Variants in CRACR2B observed in about 807,000 individuals in gnomAD.
The protein encoded by CRACR2B is EF-hand calcium-binding domain-containing protein 4A.
In CRACR2B, 50 loss-of-function variants were observed where a neutral mutation model predicts 46.0. The ratio of observed to expected loss-of-function variants is 1.09; its 90% CI spans 0.87 to 1.38. The LOEUF (loss-of-function observed/expected upper bound fraction) is 1.38, where lower values mean the gene tolerates loss of function less well. Among genes scored for constraint, CRACR2B ranks in the 40% most tolerant of loss-of-function variants. The pLI, the probability that CRACR2B is intolerant of heterozygous loss-of-function variation, is 0.00. For missense variants in CRACR2B, 667 were observed against 535.0 expected, an observed-to-expected ratio of 1.25 and a Z score of -2.43; for synonymous variants, 277 against 239.6, an observed-to-expected ratio of 1.16 and a Z score of -1.44.
At chr11:830,443 G>A (rs1846307821) in intron 5 of CRACR2B, 106 bp downstream of exon 5, 1 of 1,536,342 alleles carries the variant, frequency 6.5e-7, no homozygotes, top group Non-Finnish European at 8.7e-7. Flanking sequence ...CCACCTCCGC[G>A]GGTCCAGGCT....
chr11:830,589 G>T, intron 5 of CRACR2B, 32 bp from the exon 6 acceptor site: 1 of 1,547,720 alleles, frequency 6.5e-7, no homozygotes. Flanking sequence ...CGAGCGGCCG[G>T]CGGAGGCTCA....
In CRACR2B at chr11:830,309, G is replaced by C; in HGVS notation, c.665G>C (p.Arg222Pro). Residue 222 changes from arginine (R) to proline (P), a missense_variant, in exon 5 of 9, where the codon CGG becomes CCG. Transcript: ENST00000525077. ...RALYEETEQL[R>P]EQSRRPPSQN... Reference sequence around the variant, plus strand: ...CTGTACGAGGAGACGGAGCAGCTTCGGGAGCAGAGCCGGCGCCCGCCGAGT... The same window carrying C: ...CTGTACGAGGAGACGGAGCAGCTTCCGGAGCAGAGCCGGCGCCCGCCGAGT... 2.6e-6 allele frequency: 4 copies of C among 1,534,422 alleles called. No individual in the cohort carries two copies. The highest frequency in any genetic ancestry group is 2.6e-6 in the Non-Finnish European group (3 of 1,143,508).
intron 2 of CRACR2B, 168 bp downstream of exon 2, chr11:829,131 G>A: frequency 8.0e-7 from 1 of 1,257,280 alleles, no homozygotes; most frequent in Admixed American, 2.0e-5. Flanking sequence ...CTGCGGTGGA[G>A]TGTGTGGAGC....
chr11:830,258 G>A lies in CRACR2B; in HGVS notation c.614G>A (p.Ser205Asn), dbSNP rs369711171. The A allele has an allele frequency of 4.6e-6, 7 of 1,515,706 alleles. No homozygotes were observed. In the African/African-American group the frequency reaches 9.7e-5, roughly 21 times the overall value. The allele number at this position is 1,515,706 out of a possible 1,614,324, so 93.9% of individuals were successfully genotyped here. A position where few individuals can be genotyped will look rare whatever the true frequency, so the allele number is the denominator to read the frequency against. Reference sequence around the variant, plus strand: ...CGCCCGGTCCCCCGAAGGCGCGAGAGCGAGCACGAGAGGGAGGTGCGCGCT... The same window carrying A: ...CGCCCGGTCCCCCGAAGGCGCGAGAACGAGCACGAGAGGGAGGTGCGCGCT... ...GLEQALRRRE[S>N]EHEREVRALY... Residue 205 changes from serine to asparagine, a missense_variant, in exon 5 of 9, where the codon AGC becomes AAC. Ser to Asn is a conservative substitution (Grantham distance 46, BLOSUM62 1). Coordinates refer to ENST00000525077, the MANE Select transcript of CRACR2B (RefSeq NM_001286606.2).
In CRACR2B at chr11:830,901, C is replaced by T; in HGVS notation, c.822C>T (p.His274=). The change falls in exon 7 of 9, where the codon CAC becomes CAT. Residue 274 remains histidine (H), a synonymous_variant. Coordinates refer to ENST00000525077, the MANE Select transcript of CRACR2B (RefSeq NM_001286606.2). ...EQQLHAQAAE[H]LEAQAQNSQL... ...AGCTGCACGCCCAGGCTGCGGAGCA[C>T]CTGGAGGCACAGGCCCAGAACTCCC... The T allele has an allele frequency of 2.0e-6, 3 of 1,531,840 alleles. No homozygotes were observed. The highest frequency in any genetic ancestry group is 1.7e-6 in the Non-Finnish European group (2 of 1,145,458). 94.9% of individuals were successfully genotyped at this position (1,531,840 alleles called of 1,614,324 possible).
At chr11:830,781 C>G (rs1043082381) in intron 6 of CRACR2B, 68 bp downstream of exon 6, 17 of 1,482,556 alleles carry the variant, frequency 1.1e-5, no homozygotes, top group Non-Finnish European at 1.5e-5. Context: ...CTTAGCGTCC[C>G]CGGGTTGTCG....
At chr11:827,226 G>C (rs1244305834), upstream of CRACR2B, 1 of 152,150 alleles carries the variant, frequency 6.6e-6, no homozygotes, top group African/African-American at 2.4e-5. Context: ...TGCCCTCTAC[G>C]TCCCGTCCGG....
chr11:831,186 A>T, intron 7 of CRACR2B, 38 bp from the exon 8 acceptor site: 1 of 1,610,710 alleles, frequency 6.2e-7, no homozygotes, highest in Non-Finnish European at 8.5e-7. Flanking sequence ...CTCCCCAAGG[A>T]GCCTTCCTGC....
Position 829,530 on chromosome 11 carries a change from G to A in CRACR2B, c.448G>A (p.Val150Ile), listed in dbSNP as rs1469356863. The A allele has an allele frequency of 6.3e-7, 1 of 1,588,112 alleles. No homozygotes were observed. The highest frequency in any genetic ancestry group is 1.8e-5 in the Admixed American group (1 of 54,496). Residue 150 changes from valine (V) to isoleucine (I), a missense_variant, in exon 3 of 9, where the codon GTC becomes ATC. Val to Ile is a conservative substitution (Grantham distance 29, BLOSUM62 3). Coordinates refer to ENST00000525077, the MANE Select transcript of CRACR2B (RefSeq NM_001286606.2). ...GCTGGAGCAGCTGGGGGTGGCCCCG[G>A]TCCTGGGCAAGTGAGTCGGCGCTGG... ...TVLEQLGVAP[V>I]LGKQRAVRTL... is the part of the protein sequence containing the mutation.
chr11:831,550 G>A lies in CRACR2B; in HGVS notation c.1041G>A (p.Arg347=). The A allele has an allele frequency of 5.0e-6, 8 of 1,598,356 alleles. No homozygotes were observed. The highest frequency in any genetic ancestry group is 6.8e-6 in the Non-Finnish European group (8 of 1,174,116). The change falls in exon 9 of 9, where the codon CGG becomes CGA. Residue 347 remains arginine, a synonymous_variant. Transcript: ENST00000525077. ...QLELLRELNT[R]LRDDRDACEA... ...CCTTCCCTAGGGAGCTGAATACACG[G>A]CTGCGGGATGACAGGGACGCCTGCG... is the stretch of plus-strand genomic sequence containing the variant.
rs1222610897 is a variant in CRACR2B, at chr11:828,776, A to C, written c.165+4A>C. 6.2e-7 allele frequency: 1 copy of C among 1,613,074 alleles called. No homozygotes were observed. The highest frequency in any genetic ancestry group is 1.3e-5 in the African/African-American group (1 of 74,920). ...CATCACCAAGCACGACCTGCAGGTGAGTCCCCCACCCCAAGAGACTGCTTC... is the reference window on the plus strand; with the variant it reads ...CATCACCAAGCACGACCTGCAGGTGCGTCCCCCACCCCAAGAGACTGCTTC... On this transcript the variant is annotated splice_donor_region_variant and intron_variant, in intron 1 of 8. Transcript: ENST00000525077.
Position 827,948 on chromosome 11 carries a change from G to A in CRACR2B, c.-660G>A, listed in dbSNP as rs1427449901. ...TTGTGGGGCAAGGGTGTTAGGTCTC[G>A]AATCTGGAAGTGTTCCTGAGTGGGG... On this transcript the variant is annotated 5_prime_UTR_variant, in exon 1 of 9. Transcript: ENST00000525077. Among the ~76,000 whole-genome samples the A allele has an allele frequency of 2.6e-5, 4 of 152,202 alleles. No homozygotes were observed. Among genetic ancestry groups the A allele is most frequent in the Admixed American group, 2.0e-4 (3 of 15,286 alleles).
Position 831,590 on chromosome 11 carries a change from G to T in CRACR2B, c.1081G>T (p.Gly361Cys). The change falls in exon 9 of 9, where the codon GGC becomes TGC. Residue 361 changes from glycine to cysteine, a missense_variant. Physicochemically the swap from Gly to Cys is radical, Grantham distance 159 (BLOSUM62 -3). Coordinates refer to ENST00000525077, the MANE Select transcript of CRACR2B (RefSeq NM_001286606.2). ...GGACGCCTGCGAGGCCAGGCGGGCG[G>T]GCAGCAGCTGCAGGAAGGCTCTGAC... ...DRDACEARRA[G>C]SSCRKALTTA... 6.3e-7 allele frequency: 1 copy of T among 1,589,336 alleles called. No homozygotes were observed. Among genetic ancestry groups the T allele is most frequent in the Non-Finnish European group, 8.5e-7 (1 of 1,171,746 alleles).
Position 828,482 on chromosome 11 carries a change from C to T in CRACR2B, c.-126C>T. The stretch of plus-strand genomic sequence containing the variant: ...TGCCTTCCGCCCACCTTCCCACCTG[C>T]TGCAGGGAGGGCCCTCGGCTGAGCC... On this transcript the variant is annotated 5_prime_UTR_variant, in exon 1 of 9. Coordinates refer to ENST00000525077, the MANE Select transcript of CRACR2B (RefSeq NM_001286606.2). 8.3e-7 allele frequency: 1 copy of T among 1,198,362 alleles called. No homozygotes were observed. Among genetic ancestry groups the T allele is most frequent in the East Asian group, 2.7e-5 (1 of 37,042 alleles). 74.2% of individuals were successfully genotyped at this position (1,198,362 alleles called of 1,614,324 possible).
intron 2 of CRACR2B, 92 bp downstream of exon 2, chr11:829,055 C>A: frequency 6.7e-7 from 1 of 1,492,546 alleles, no homozygotes; most frequent in Non-Finnish European, 9.2e-7. Flanking sequence ...GCTGCCGGTG[C>A]CTCTCGTCCT....
chr11:829,469 T>TGAGGAGGAG lies in CRACR2B; in HGVS notation c.390_398dup (p.Glu134_Glu136dup), dbSNP rs745330588. The TGAGGAGGAG allele has an allele frequency of 1.2e-6, 2 of 1,609,130 alleles. No homozygotes were observed. The highest frequency in any genetic ancestry group is 1.7e-6 in the Non-Finnish European group (2 of 1,178,594). ...TGCAGGGCACGGCGGGCTCTCTGGA[T>TGAGGAGGAG]GAGGAGGAGGAAGAGGAGGAGCGAT... On this transcript the variant is annotated inframe_insertion, in exon 3 of 9. Transcript: ENST00000525077.
upstream of CRACR2B, among the ~76,000 whole-genome samples, chr11:827,895 AGTTCTGAAACGG>A (rs1324414682): frequency 6.6e-6 from 1 of 152,140 alleles, no homozygotes; most frequent in Non-Finnish European, 1.5e-5. Flanking sequence ...GGCCCCAGGG[AGTTCTGAAACGG>A]GGAAGGGCCT....
chr11:831,168 T>A (rs1846392023), intron 7 of CRACR2B, 56 bp from the exon 8 acceptor site: 1 of 1,609,262 alleles, frequency 6.2e-7, no homozygotes, highest in African/African-American at 1.3e-5. Context: ...TTCTAGGGGG[T>A]CCGGGGGCTC....
At position 828,848 on chromosome 11, in the gene CRACR2B, C is replaced by T; in HGVS notation, c.166-4C>T. 6.2e-7 allele frequency: 1 copy of T among 1,610,836 alleles called. No homozygotes were observed. Among genetic ancestry groups the T allele is most frequent in the Non-Finnish European group, 8.5e-7 (1 of 1,179,500 alleles). On this transcript the variant is annotated splice_region_variant and splice_polypyrimidine_tract_variant and intron_variant, in intron 1 of 8. Transcript: ENST00000525077. The stretch of plus-strand genomic sequence containing the variant: ...GCTCATCTCTGCTCTCCTTCCCCGA[C>T]CAGGGTCTCCAGAGCGACCTGCCCC...
Sources: allele counts gnomAD v4.1 joint callset (sites outside exome capture counted in the v4.1 genomes callset), GRCh38; gene constraint gnomAD v4.1.1; transcripts MANE v1.5; gene names NCBI Gene and HGNC (gene_info 2026-07-23, HGNC 2026-07-21).